GFRA1: variants seen among roughly 807,000 people sequenced by gnomAD.
GFRA1 encodes the protein GDNF family receptor alpha-1.
A neutral mutation model predicts 51.6 loss-of-function variants in GFRA1; 16 were observed. The ratio of observed to expected loss-of-function variants is 0.31; its 90% CI spans 0.21 to 0.47. GFRA1 has a LOEUF of 0.47. Ranked by LOEUF, GFRA1 falls within the 20% of genes least tolerant of loss-of-function variation. GFRA1 has a pLI of 1.00. For missense variants in GFRA1, 530 were observed against 594.3 expected, an observed-to-expected ratio of 0.89 and a Z score of 1.13; for synonymous variants, 270 against 241.3, an observed-to-expected ratio of 1.12 and a Z score of -1.10.
At chr10:116,234,240 T>C (rs990917146) in intron 4 of GFRA1, among the ~76,000 whole-genome samples, 2 of 152,184 alleles carry the variant, frequency 1.3e-5, no homozygotes, top group African/African-American at 2.4e-5. Context: ...AAACTAGATA[T>C]GGAAACCTAT....
intron 5 of GFRA1, among the ~76,000 whole-genome samples, chr10:116,197,331 G>C (rs1194657176): frequency 1.3e-5 from 2 of 152,052 alleles, no homozygotes; most frequent in African/African-American, 4.8e-5. Flanking sequence ...TCTGAACCAG[G>C]TATTAAGCCC....
intron 6 of GFRA1, 117 bp downstream of exon 6, chr10:116,125,104 G>A: frequency 1.1e-6 from 1 of 881,364 alleles, no homozygotes; most frequent in Admixed American, 1.9e-5. Flanking sequence ...AAATGGACTG[G>A]GCTCCCCTCC....
At chr10:116,080,562 C>A (rs2133832311) in intron 9 of GFRA1, among the ~76,000 whole-genome samples, 1 of 152,328 alleles carries the variant, frequency 6.6e-6, no homozygotes, top group Non-Finnish European at 1.5e-5. Flanking sequence ...TATTTTAAAA[C>A]AACCAACTCT....
At chr10:116,269,698 T>C in intron 3 of GFRA1, 112 bp from the exon 4 acceptor site, 3 of 721,466 alleles carry the variant, frequency 4.2e-6, no homozygotes, top group Non-Finnish European at 7.6e-6. Flanking sequence ...AAAAAGACGC[T>C]GAAACTTTGA....
At chr10:116,196,595 TAATATATATATAGTACTATATATAA>T (rs1963807988) in intron 5 of GFRA1, among the ~76,000 whole-genome samples, 3 of 15,148 alleles carry the variant, frequency 2.0e-4, no homozygotes, top group Non-Finnish European at 6.1e-4. Flanking sequence ...GTACTATATA[TAATATATATATAGTACTATATATAA>T]TATATATAAT....
At chr10:116,128,391 C>T (rs1957960535) in intron 5 of GFRA1, among the ~76,000 whole-genome samples, 1 of 152,108 alleles carries the variant, frequency 6.6e-6, no homozygotes, top group South Asian at 2.1e-4. Flanking sequence ...TTATTTTTCT[C>T]TGTAAGGAGT....
At position 116,096,657 on chromosome 10, in the gene GFRA1, A is replaced by G. The variant is rs763957700; in HGVS notation, c.878T>C (p.Ile293Thr). The G allele has an allele frequency of 6.5e-7, 1 of 1,544,922 alleles. No individual in the cohort carries two copies. The highest frequency in any genetic ancestry group is 1.7e-5 in the Admixed American group (1 of 59,852). The stretch of plus-strand genomic sequence containing the variant: ...ATCCTGCTTCTCTCGGATCTTACCA[A>G]TAAGCCCCGAGTAGGCGAGGAGGCA... ...ADCLLAYSGL[I>T]GTVMTPNYID... The change falls in exon 7 of 11, where the codon ATT (isoleucine) becomes ACT (threonine). Residue 293 changes from isoleucine to threonine, a missense_variant and splice_region_variant. Transcript: ENST00000355422.
At chr10:116,245,424 A>G (rs972876317) in intron 4 of GFRA1, among the ~76,000 whole-genome samples, 5 of 152,212 alleles carry the variant, frequency 3.3e-5, no homozygotes, top group Admixed American at 1.3e-4. Flanking sequence ...AAAGCCTGAC[A>G]CCACCAAATG....
At chr10:116,173,451 C>T (rs1041861114) in intron 5 of GFRA1, among the ~76,000 whole-genome samples, 1 of 152,178 alleles carries the variant, frequency 6.6e-6, no homozygotes, top group Non-Finnish European at 1.5e-5. Context: ...AACATGCCCC[C>T]TTCTAATTTT....
rs1254072073 is a variant in GFRA1 at position 116,125,473 on chromosome 10, G to A, written c.518C>T (p.Ala173Val). ...GCTGGTGGTGCACGGGGTGATGTAC[G>A]CCGACCTGTACTTCTTGCAAATGTC... ...LDDICKKYRS[A>V]YITPCTTSVS... The change falls in exon 6 of 11, where the codon GCG (alanine) becomes GTG (valine). Residue 173 changes from alanine (A) to valine (V), a missense_variant. By Grantham distance (64) the Ala-to-Val change is moderately conservative (BLOSUM62 0). Transcript: ENST00000355422. 2.5e-6 allele frequency: 4 copies of A among 1,613,968 alleles called. No individual in the cohort carries two copies. Among genetic ancestry groups the A allele is most frequent in the Admixed American group, 1.7e-5 (1 of 60,004 alleles).
chr10:116,147,024 TTGTG>T (rs55916204), intron 5 of GFRA1, among the ~76,000 whole-genome samples: 138,945 of 150,262 alleles, frequency 0.92, 64,654 homozygotes, highest in East Asian at 1. Context: ...ATTTATTTAT[TTGTG>T]TGTGTGTGTG....
At chr10:116,203,588 C>T (rs1191081693) in intron 5 of GFRA1, among the ~76,000 whole-genome samples, 1 of 152,170 alleles carries the variant, frequency 6.6e-6, no homozygotes, top group African/African-American at 2.4e-5. Context: ...ACATGGGCAC[C>T]AGCCCAAACA....
intron 6 of GFRA1, among the ~76,000 whole-genome samples, chr10:116,109,941 A>C (rs932419488): frequency 2.0e-5 from 3 of 152,084 alleles, no homozygotes; most frequent in African/African-American, 4.8e-5. Flanking sequence ...CTCCACAGGC[A>C]GGGGTGAGGA....
At chr10:116,079,729 G>C (rs559672950) in intron 9 of GFRA1, among the ~76,000 whole-genome samples, 4 of 152,086 alleles carry the variant, frequency 2.6e-5, no homozygotes, top group Non-Finnish European at 2.9e-5. Flanking sequence ...TGCCAATGTC[G>C]AGGAAGCCTG....
At chr10:116,257,604 G>T (rs917815295) in intron 4 of GFRA1, among the ~76,000 whole-genome samples, 2 of 152,164 alleles carry the variant, frequency 1.3e-5, no homozygotes, top group African/African-American at 4.8e-5. Context: ...CTCACCCACA[G>T]CAGGTCTTAT....
At chr10:116,177,650 A>C (rs1287910879) in intron 5 of GFRA1, among the ~76,000 whole-genome samples, 1 of 152,224 alleles carries the variant, frequency 6.6e-6, no homozygotes, top group African/African-American at 2.4e-5. Context: ...AGCAGGATGT[A>C]CCATCGAGGA....
intron 5 of GFRA1, among the ~76,000 whole-genome samples, chr10:116,149,721 A>C (rs1310555055): frequency 1.3e-5 from 2 of 152,196 alleles, no homozygotes; most frequent in African/African-American, 4.8e-5. Context: ...TTGATGTAGG[A>C]CTTTCCCTCC....
chr10:116,167,081 G>C (rs977153588), intron 5 of GFRA1, among the ~76,000 whole-genome samples: 2 of 151,954 alleles, frequency 1.3e-5, no homozygotes, highest in African/African-American at 4.8e-5. Context: ...TTACAGGTGT[G>C]AGCCACCGTG....
At chr10:116,077,179 C>A (rs1955653870) in intron 9 of GFRA1, among the ~76,000 whole-genome samples, 1 of 152,190 alleles carries the variant, frequency 6.6e-6, no homozygotes, top group South Asian at 2.1e-4. Flanking sequence ...CTCCTGGCCT[C>A]ACTGGTGTTC....
Sources: gnomAD v4.1 joint callset for allele counts (sites outside exome capture counted in the v4.1 genomes callset) on GRCh38, gnomAD v4.1.1 for gene constraint, MANE v1.5 for transcripts, NCBI Gene and HGNC (gene_info 2026-07-23, HGNC 2026-07-21) for gene names.